C6orf47: variants seen among roughly 807,000 people sequenced by gnomAD.
C6orf47 encodes the protein uncharacterized protein C6orf47.
In C6orf47, 1 loss-of-function variant was observed where a neutral mutation model predicts 5.6. The ratio of observed to expected loss-of-function variants is 0.18; its 90% CI spans 0.06 to 0.85. C6orf47 has a LOEUF of 0.85. C6orf47 is among the 40% of genes least tolerant of loss of function. The pLI is 0.70. For synonymous variants in C6orf47, 149 were observed against 161.7 expected, an observed-to-expected ratio of 0.92 and a Z score of 0.60; for missense variants, 323 against 367.1, an observed-to-expected ratio of 0.88 and a Z score of 0.98.
In C6orf47 at chr6:31,659,127, C is replaced by G. The variant is rs144937093; in HGVS notation, c.821G>C (p.Trp274Ser). 2,292 of 1,613,092 alleles carry G rather than the reference C, an allele frequency of 1.4e-3. 27 individuals carry two copies. The African/African-American group carries it at 0.022, about 16-fold the overall frequency. The change falls in exon 1 of 1, where the codon TGG (tryptophan) becomes TCG (serine). Residue 274 changes from tryptophan to serine, a missense_variant. Trp to Ser is a radical substitution (Grantham distance 177, BLOSUM62 -3). Coordinates refer to ENST00000375911, the MANE Select transcript of C6orf47 (RefSeq NM_021184.4). The surrounding 1 kb of genome is among the most constrained non-coding windows in gnomAD (Gnocchi z 5.6). The stretch of plus-strand genomic sequence containing the variant: ...TTCCCTCTCCAACCCCTCACTCTCC[C>G]AGTCAGTGGCCGCCTCATCCCCATT... Reference protein sequence around the residue: ...EPNGDEAATDWESEGLEREGE... With the variant: ...EPNGDEAATDSESEGLEREGE...
chr6:31,658,449 C>A lies in C6orf47; in HGVS notation c.*614G>T. The A allele has an allele frequency of 2.7e-6, 1 of 368,168 alleles. No homozygotes were observed. The highest frequency in any genetic ancestry group is 5.5e-5 in the East Asian group (1 of 18,232). The allele number at this position is 368,168 out of a possible 1,614,324, so 22.8% of individuals were successfully genotyped here. A position where few individuals can be genotyped will look rare whatever the true frequency, so the allele number is the denominator to read the frequency against. On this transcript the variant is annotated 3_prime_UTR_variant, in exon 1 of 1. Coordinates refer to ENST00000375911, the MANE Select transcript of C6orf47 (RefSeq NM_021184.4). Reference sequence around the variant, plus strand: ...GGCTTCAGTGCTTCCCCCACACTGCCTGAGCTACCAGCCCTTCTGCACTGG... The same window carrying A: ...GGCTTCAGTGCTTCCCCCACACTGCATGAGCTACCAGCCCTTCTGCACTGG...
Position 31,659,365 on chromosome 6 carries a change from G to T in C6orf47, c.583C>A (p.Leu195Met). The change falls in exon 1 of 1, where the codon CTG (leucine) becomes ATG (methionine). Residue 195 changes from leucine to methionine, a missense_variant. Coordinates refer to ENST00000375911, the MANE Select transcript of C6orf47 (RefSeq NM_021184.4). The surrounding 1 kb of genome is among the most constrained non-coding windows in gnomAD (Gnocchi z 5.6). ...HLLELLASAL[L>M]ALCSRPLRAA... ...CGCAGTGGTCGTGAGCACAGGGCCA[G>T]CAGGGCAGAGGCCAGCAGCTCCAGA... The T allele has an allele frequency of 6.2e-7, 1 of 1,613,054 alleles. No homozygotes were observed. The highest frequency in any genetic ancestry group is 2.2e-5 in the East Asian group (1 of 44,888).
In C6orf47 at chr6:31,658,741, C is replaced by T. The variant is rs1800421315; in HGVS notation, c.*322G>A. The stretch of plus-strand genomic sequence containing the variant: ...AGAGTTTTCAAAGGTAGAGAGGACC[C>T]TTTGGTCTTTATTCACCACCATCAT... On this transcript the variant is annotated 3_prime_UTR_variant, in exon 1 of 1. Transcript: ENST00000375911. 1 of 336,600 alleles carries T rather than the reference C, an allele frequency of 3.0e-6. No individual in the cohort carries two copies. The highest frequency in any genetic ancestry group is 7.7e-5 in the South Asian group (1 of 12,922). The allele number at this position is 336,600 out of a possible 1,614,324, so 20.9% of individuals were successfully genotyped here.
chr6:31,659,810 G>A lies in C6orf47; in HGVS notation c.138C>T (p.Ala46=), dbSNP rs1324618539. Residue 46 remains alanine (A), a synonymous_variant, in exon 1 of 1, where the codon GCC becomes GCT. Coordinates refer to ENST00000375911, the MANE Select transcript of C6orf47 (RefSeq NM_021184.4). This position sits in a 1 kb window ranked among gnomAD's most constrained non-coding sequence, Gnocchi z 5.6. The stretch of plus-strand genomic sequence containing the variant: ...GCCCCACATCTTCCATGGTTTCTGG[G>A]GCACTATCCCAGTCACTTCCTGAAT... ...SENSGSDWDS[A]PETMEDVGHP... 1 of 1,613,030 alleles carries A rather than the reference G, an allele frequency of 6.2e-7. No homozygotes were observed. Among genetic ancestry groups the A allele is most frequent in the Non-Finnish European group, 8.5e-7 (1 of 1,180,026 alleles).
chr6:31,660,091 T>C lies in C6orf47; in HGVS notation c.-144A>G. 1 of 975,630 alleles carries C rather than the reference T, an allele frequency of 1.0e-6. No homozygotes were observed. Among genetic ancestry groups the C allele is most frequent in the African/African-American group, 1.7e-5 (1 of 60,400 alleles). The allele number at this position is 975,630 out of a possible 1,614,324, so 60.4% of individuals were successfully genotyped here. On this transcript the variant is annotated 5_prime_UTR_variant, in exon 1 of 1. Coordinates refer to ENST00000375911, the MANE Select transcript of C6orf47 (RefSeq NM_021184.4). The surrounding 1 kb of genome is among the most constrained non-coding windows in gnomAD (Gnocchi z 4.7). ...TGCAGTCCTACTCTGAATTCAGAAG[T>C]GGCTCCTCCCTTCTCTGAATAGTCA...
Position 31,659,732 on chromosome 6 carries a change from T to C in C6orf47, c.216A>G (p.Glu72=). Residue 72 remains glutamate, a synonymous_variant, in exon 1 of 1, where the codon GAA becomes GAG. Coordinates refer to ENST00000375911, the MANE Select transcript of C6orf47 (RefSeq NM_021184.4). This position sits in a 1 kb window ranked among gnomAD's most constrained non-coding sequence, Gnocchi z 5.6. ...CAACTTGGGGCTCCTCCTTGCTTGG[T>C]TCGGAAGCAGCCCCAGAAACCCTCA... ...GALRVSGAAS[E]PSKEEPQVEQ... 1.2e-6 allele frequency: 2 copies of C among 1,613,048 alleles called. No homozygotes were observed. Among genetic ancestry groups the C allele is most frequent in the South Asian group, 2.2e-5 (2 of 91,080 alleles).
At position 31,660,391 on chromosome 6, in the gene C6orf47, T is replaced by G. The variant is rs2151154703; in HGVS notation, c.-444A>C. 1 of 196,208 alleles carries G rather than the reference T, an allele frequency of 5.1e-6. No homozygotes were observed. The highest frequency in any genetic ancestry group is 1.1e-5 in the Non-Finnish European group (1 of 87,430). 12.2% of individuals were successfully genotyped at this position (196,208 alleles called of 1,614,324 possible). On this transcript the variant is annotated 5_prime_UTR_variant, in exon 1 of 1. Transcript: ENST00000375911. The surrounding 1 kb of genome is among the most constrained non-coding windows in gnomAD (Gnocchi z 4.7). ...CCATCCAATAAAGCGGGCAGGAAGG[T>G]GGCCCCAGGTCCTAGGTGCTCCTGG...
Position 31,659,567 on chromosome 6 carries a change from TCTC to T in C6orf47, c.378_380del (p.Arg127del). On this transcript the variant is annotated inframe_deletion, in exon 1 of 1. Transcript: ENST00000375911. The surrounding 1 kb of genome is among the most constrained non-coding windows in gnomAD (Gnocchi z 5.6). ...GTCCCCCTTCAGGGGACACCCCTGGTCTCCTGGTGCCACCTGAATCCACATGAT... is the reference window on the plus strand; with the variant it reads ...GTCCCCCTTCAGGGGACACCCCTGGTCTGGTGCCACCTGAATCCACATGAT... The T allele has an allele frequency of 6.2e-7, 1 of 1,612,892 alleles. No individual in the cohort carries two copies. Among genetic ancestry groups the T allele is most frequent in the Non-Finnish European group, 8.5e-7 (1 of 1,180,004 alleles).
rs1268279330 is a variant in C6orf47 at position 31,660,259 on chromosome 6, G to A, written c.-312C>T. ...TCTGACAAGGCCTGGGTCACCACCAGAGAGTCCTCTCTGCGTTTCCGGATT... is the reference window on the plus strand; with the variant it reads ...TCTGACAAGGCCTGGGTCACCACCAAAGAGTCCTCTCTGCGTTTCCGGATT... On this transcript the variant is annotated 5_prime_UTR_variant, in exon 1 of 1. Coordinates refer to ENST00000375911, the MANE Select transcript of C6orf47 (RefSeq NM_021184.4). The surrounding 1 kb of genome is among the most constrained non-coding windows in gnomAD (Gnocchi z 4.7). 2.5e-6 allele frequency: 1 copy of A among 398,864 alleles called. No individual in the cohort carries two copies. The highest frequency in any genetic ancestry group is 2.1e-5 in the African/African-American group (1 of 48,332). 24.7% of individuals were successfully genotyped at this position (398,864 alleles called of 1,614,324 possible).
chr6:31,660,373 A>C lies in C6orf47; in HGVS notation c.-426T>G. 3 of 204,962 alleles carry C rather than the reference A, an allele frequency of 1.5e-5. No homozygotes were observed. The highest frequency in any genetic ancestry group is 2.3e-5 in the African/African-American group (1 of 42,672). The allele number at this position is 204,962 out of a possible 1,614,324, so 12.7% of individuals were successfully genotyped here. A position where few individuals can be genotyped will look rare whatever the true frequency, so the allele number is the denominator to read the frequency against. ...AACTGGGGAGGCAGTGCTCCATCCAATAAAGCGGGCAGGAAGGTGGCCCCA... is the reference window on the plus strand; with the variant it reads ...AACTGGGGAGGCAGTGCTCCATCCACTAAAGCGGGCAGGAAGGTGGCCCCA... On this transcript the variant is annotated 5_prime_UTR_variant, in exon 1 of 1. Transcript: ENST00000375911. This position sits in a 1 kb window ranked among gnomAD's most constrained non-coding sequence, Gnocchi z 4.7.
Position 31,660,099 on chromosome 6 carries a change from C to G in C6orf47, c.-152G>C. On this transcript the variant is annotated 5_prime_UTR_variant, in exon 1 of 1. Transcript: ENST00000375911. This position sits in a 1 kb window ranked among gnomAD's most constrained non-coding sequence, Gnocchi z 4.7. ...TACTCTGAATTCAGAAGTGGCTCCT[C>G]CCTTCTCTGAATAGTCATGCAGCCT... 1 of 914,990 alleles carries G rather than the reference C, an allele frequency of 1.1e-6. No individual in the cohort carries two copies. Among genetic ancestry groups the G allele is most frequent in the Non-Finnish European group, 1.6e-6 (1 of 613,674 alleles). 56.7% of individuals were successfully genotyped at this position (914,990 alleles called of 1,614,324 possible).
rs767038994 is a variant in C6orf47 at position 31,659,341 on chromosome 6, G to A, written c.607C>T (p.Arg203Trp). 15 of 1,612,978 alleles carry A rather than the reference G, an allele frequency of 9.3e-6. No homozygotes were observed. Among genetic ancestry groups the A allele is most frequent in the African/African-American group, 1.3e-5 (1 of 74,950 alleles). Reference protein sequence around the residue: ...ALLALCSRPLRAALDTLGLRG... With the variant: ...ALLALCSRPLWAALDTLGLRG... ...AGGCCCAGTGTGTCCAAGGCTGCCC[G>A]CAGTGGTCGTGAGCACAGGGCCAGC... Residue 203 changes from arginine (R) to tryptophan (W), a missense_variant, in exon 1 of 1, where the codon CGG (arginine) becomes TGG (tryptophan). Transcript: ENST00000375911. The surrounding 1 kb of genome is among the most constrained non-coding windows in gnomAD (Gnocchi z 5.6).
At position 31,660,030 on chromosome 6, in the gene C6orf47, A is replaced by T; in HGVS notation, c.-83T>A. On this transcript the variant is annotated 5_prime_UTR_variant, in exon 1 of 1. Coordinates refer to ENST00000375911, the MANE Select transcript of C6orf47 (RefSeq NM_021184.4). This position sits in a 1 kb window ranked among gnomAD's most constrained non-coding sequence, Gnocchi z 4.7. ...CTCTCAGGATCTCCTCAGAAGCCAG[A>T]GTCTTTCTGGCTCAGAACAGGTATT... 2.8e-6 allele frequency: 4 copies of T among 1,438,396 alleles called. No individual in the cohort carries two copies. The South Asian group carries it at 5.8e-5, about 21-fold the overall frequency. The allele number at this position is 1,438,396 out of a possible 1,614,324, so 89.1% of individuals were successfully genotyped here.
rs1800667350 is a variant in C6orf47 at position 31,660,207 on chromosome 6, A to C, written c.-260T>G. 1 of 515,868 alleles carries C rather than the reference A, an allele frequency of 1.9e-6. No homozygotes were observed. Among genetic ancestry groups the C allele is most frequent in the African/African-American group, 1.9e-5 (1 of 51,450 alleles). 32.0% of individuals were successfully genotyped at this position (515,868 alleles called of 1,614,324 possible). On this transcript the variant is annotated 5_prime_UTR_variant, in exon 1 of 1. Coordinates refer to ENST00000375911, the MANE Select transcript of C6orf47 (RefSeq NM_021184.4). The surrounding 1 kb of genome is among the most constrained non-coding windows in gnomAD (Gnocchi z 4.7). Reference sequence around the variant, plus strand: ...AAATTCATTCACCATCCACACCCCCACAATCTGAGATTCCAAGAATCTCAG... The same window carrying C: ...AAATTCATTCACCATCCACACCCCCCCAATCTGAGATTCCAAGAATCTCAG...
At position 31,660,530 on chromosome 6, in the gene C6orf47, A is replaced by C. The variant is rs1382919539; in HGVS notation, c.-583T>G. The C allele has an allele frequency of 5.9e-6, 1 of 168,286 alleles. No individual in the cohort carries two copies. Among genetic ancestry groups the C allele is most frequent in the Admixed American group, 6.5e-5 (1 of 15,350 alleles). 10.4% of individuals were successfully genotyped at this position (168,286 alleles called of 1,614,324 possible). On this transcript the variant is annotated 5_prime_UTR_variant, in exon 1 of 1. Coordinates refer to ENST00000375911, the MANE Select transcript of C6orf47 (RefSeq NM_021184.4). The surrounding 1 kb of genome is among the most constrained non-coding windows in gnomAD (Gnocchi z 4.7). ...TCCAGCCAGCAGCGTTCGTCCCTTGATTTAGAGGGCTATGATTTCTACAAA... is the reference window on the plus strand; with the variant it reads ...TCCAGCCAGCAGCGTTCGTCCCTTGCTTTAGAGGGCTATGATTTCTACAAA...
rs1246496433 is a variant in C6orf47, at chr6:31,659,356, A to T, written c.592T>A (p.Cys198Ser). 1 of 1,613,136 alleles carries T rather than the reference A, an allele frequency of 6.2e-7. No individual in the cohort carries two copies. Among genetic ancestry groups the T allele is most frequent in the South Asian group, 1.1e-5 (1 of 91,084 alleles). ...ELLASALLALCSRPLRAALDT... is the reference protein window; with the variant it reads ...ELLASALLALSSRPLRAALDT... Reference sequence around the variant, plus strand: ...AAGGCTGCCCGCAGTGGTCGTGAGCACAGGGCCAGCAGGGCAGAGGCCAGC... The same window carrying T: ...AAGGCTGCCCGCAGTGGTCGTGAGCTCAGGGCCAGCAGGGCAGAGGCCAGC... The change falls in exon 1 of 1, where the codon TGC (cysteine) becomes AGC (serine). Residue 198 changes from cysteine (C) to serine (S), a missense_variant. Transcript: ENST00000375911. This position sits in a 1 kb window ranked among gnomAD's most constrained non-coding sequence, Gnocchi z 5.6.
rs779432813 is a variant in C6orf47, at chr6:31,659,797, C to T, written c.151G>A (p.Glu51Lys). Residue 51 changes from glutamate to lysine, a missense_variant, in exon 1 of 1, where the codon GAA becomes AAA. Physicochemically the swap from Glu to Lys is moderately conservative, Grantham distance 56. Coordinates refer to ENST00000375911, the MANE Select transcript of C6orf47 (RefSeq NM_021184.4). The surrounding 1 kb of genome is among the most constrained non-coding windows in gnomAD (Gnocchi z 5.6). ...SDWDSAPETMEDVGHPKTKDS... is the reference protein window; with the variant it reads ...SDWDSAPETMKDVGHPKTKDS... ...TTAGTCTTGGGATGCCCCACATCTT[C>T]CATGGTTTCTGGGGCACTATCCCAG... The T allele has an allele frequency of 6.2e-7, 1 of 1,613,106 alleles. No individual in the cohort carries two copies. Among genetic ancestry groups the T allele is most frequent in the Non-Finnish European group, 8.5e-7 (1 of 1,180,040 alleles).
chr6:31,658,934 G>A lies in C6orf47; in HGVS notation c.*129C>T, dbSNP rs923078454. On this transcript the variant is annotated 3_prime_UTR_variant, in exon 1 of 1. Coordinates refer to ENST00000375911, the MANE Select transcript of C6orf47 (RefSeq NM_021184.4). ...GTTCTGTTCTCTCCTGTGTATGAAG[G>A]GGGGCCCTGCACCCTCGTACTCGGG... 3 of 1,025,644 alleles carry A rather than the reference G, an allele frequency of 2.9e-6. No individual in the cohort carries two copies. Among genetic ancestry groups the A allele is most frequent in the African/African-American group, 3.2e-5 (2 of 62,342 alleles). The allele number at this position is 1,025,644 out of a possible 1,614,324, so 63.5% of individuals were successfully genotyped here.
At position 31,659,463 on chromosome 6, in the gene C6orf47, G is replaced by A. The variant is rs1234685764; in HGVS notation, c.485C>T (p.Pro162Leu). ...CCCCAAGTACCGGGAGGGAGCTCCT[G>A]GTTCCCCCCGCAGCCAGCCCAACAG... Reference protein sequence around the residue: ...EKLLGWLRGEPGAPSRYLGGP... With the variant: ...EKLLGWLRGELGAPSRYLGGP... The change falls in exon 1 of 1, where the codon CCA (proline) becomes CTA (leucine). Residue 162 changes from proline (P) to leucine (L), a missense_variant. Physicochemically the swap from Pro to Leu is moderately conservative, Grantham distance 98. Coordinates refer to ENST00000375911, the MANE Select transcript of C6orf47 (RefSeq NM_021184.4). This position sits in a 1 kb window ranked among gnomAD's most constrained non-coding sequence, Gnocchi z 5.6. 1 of 1,612,978 alleles carries A rather than the reference G, an allele frequency of 6.2e-7. No homozygotes were observed. Among genetic ancestry groups the A allele is most frequent in the African/African-American group, 1.3e-5 (1 of 74,944 alleles).
Sources: gnomAD v4.1 joint callset for allele counts on GRCh38, gnomAD v4.1.1 for gene constraint, Gnocchi (gnomAD v3.1) non-coding constraint, MANE v1.5 for transcripts, NCBI Gene and HGNC (gene_info 2026-07-23, HGNC 2026-07-21) for gene names.